The following HLA-F variants were observed in gnomAD, a reference collection of about 807,000 sequenced individuals.
HLA-F encodes the protein major histocompatibility complex, class I, F, also known as HLA class I histocompatibility antigen, alpha chain F.
HLA-F carries 46 observed loss-of-function variants against 49.5 expected under a neutral mutation model. The observed-to-expected ratio is 0.93, with a 90% CI of 0.73 to 1.19. The LOEUF is 1.19. HLA-F is among the 50% of genes most tolerant of loss of function. The probability of loss-of-function intolerance (pLI) is 0.00; values close to 1 mark genes in which losing one functional copy is unlikely to be tolerated. For missense variants in HLA-F, 496 were observed against 579.6 expected (o/e 0.86, Z 1.48); for synonymous variants, 203 against 233.5 (o/e 0.87, Z 1.19).
chr6:29,728,208 C>T (rs1776291194), downstream of HLA-F: 1 of 395,222 alleles, frequency 2.5e-6, no homozygotes, highest in South Asian at 1.9e-5. Context: ...GTAAGGAGGC[C>T]TGCCAGGACT....
chr6:29,723,994 C>A (rs759253001), intron 2 of HLA-F, 67 bp downstream of exon 2: 2 of 1,556,528 alleles, frequency 1.3e-6, no homozygotes, highest in Non-Finnish European at 1.7e-6. Context: ...GCCCGGGTCC[C>A]TCAGAGTCTC....
Position 29,727,050 on chromosome 6 carries a change from T to C in HLA-F, c.1204T>C (p.Phe402Leu). Reference sequence around the variant, plus strand: ...GTTTTTTTTGTGGCTGTGGACATCTTTCAACACTGCCTTCTTGGCCTTGCA... The same window carrying C: ...GTTTTTTTTGTGGCTGTGGACATCTCTCAACACTGCCTTCTTGGCCTTGCA... ...ILFFLWLWTSFNTAFLALQSL... is the reference protein window; with the variant it reads ...ILFFLWLWTSLNTAFLALQSL... The change falls in exon 7 of 7, where the codon TTC (phenylalanine) becomes CTC (leucine). Residue 402 changes from phenylalanine (F) to leucine (L), a missense_variant. Transcript: ENST00000259951. The C allele has an allele frequency of 6.2e-7, 1 of 1,613,296 alleles. No homozygotes were observed.
At chr6:29,727,988 C>G, downstream of HLA-F, 1 of 519,028 alleles carries the variant, frequency 1.9e-6, no homozygotes, top group Non-Finnish European at 3.8e-6. Flanking sequence ...ACCTCTCAAA[C>G]AAGTATTCTC....
chr6:29,726,816 T>C, intron 6 of HLA-F, 67 bp from the exon 7 acceptor site: 2 of 1,535,202 alleles, frequency 1.3e-6, no homozygotes, highest in Non-Finnish European at 8.9e-7. Flanking sequence ...CTGTTTGATC[T>C]GGTGCTTGTT....
intron 3 of HLA-F, among the ~76,000 whole-genome samples, chr6:29,732,871 C>T (rs1467341134): frequency 6.6e-6 from 1 of 151,112 alleles, no homozygotes; most frequent in Non-Finnish European, 1.5e-5. Context: ...AATAAAGATA[C>T]CTATAAAAAT....
At chr6:29,736,390 A>G in intron 3 of HLA-F, 1 of 453,618 alleles carries the variant, frequency 2.2e-6, no homozygotes, top group Non-Finnish European at 4.4e-6. Flanking sequence ...ATTTTTAATA[A>G]TTGGACTAAT....
chr6:29,724,840 T>C (rs1016709813), intron 3 of HLA-F, among the ~76,000 whole-genome samples, 191 bp from the exon 4 acceptor site: 4 of 152,118 alleles, frequency 2.6e-5, no homozygotes. Flanking sequence ...AAGTCCCTGC[T>C]CCCCCCTCAG....
downstream of HLA-F, among the ~76,000 whole-genome samples, chr6:29,730,310 A>G (rs1305186825): frequency 6.6e-6 from 1 of 152,216 alleles, no homozygotes; most frequent in African/African-American, 2.4e-5. Flanking sequence ...GACAAATATA[A>G]TATTTCACTT....
intron 6 of HLA-F, chr6:29,726,263 G>GTGT: frequency 1.0e-6 from 1 of 989,276 alleles, no homozygotes. Flanking sequence ...TGTGAGTGGG[G>GTGT]TGTTGGGGGG....
At position 29,723,535 on chromosome 6, in the gene HLA-F, CG is replaced by C; in HGVS notation, c.64+12del. ...TGACCGATACTTGGGCGGGTGAGTG[CG>C]GGGTCCAGAGAGAAACGGCCTCTGT... On this transcript the variant is annotated intron_variant, in intron 1 of 6. Transcript: ENST00000259951. 1.2e-6 allele frequency: 2 copies of C among 1,610,620 alleles called. No homozygotes were observed. Among genetic ancestry groups the C allele is most frequent in the Non-Finnish European group, 1.7e-6 (2 of 1,179,180 alleles).
Position 29,723,760 on chromosome 6 carries a change from G to A in HLA-F, c.167G>A (p.Arg56Gln), listed in dbSNP as rs1190090553. Reference sequence around the variant, plus strand: ...TACGTAGACGACACGCAATTCCTGCGGTTCGACAGCGACGCCGCGATTCCG... The same window carrying A: ...TACGTAGACGACACGCAATTCCTGCAGTTCGACAGCGACGCCGCGATTCCG... ...VEYVDDTQFLRFDSDAAIPRM... is the reference protein window; with the variant it reads ...VEYVDDTQFLQFDSDAAIPRM... The change falls in exon 2 of 7, where the codon CGG becomes CAG. Residue 56 changes from arginine (R) to glutamine (Q), a missense_variant. By Grantham distance (43) the Arg-to-Gln change is conservative. Coordinates refer to ENST00000259951, the MANE Select transcript of HLA-F (RefSeq NM_001098479.2). 1 of 1,611,742 alleles carries A rather than the reference G, an allele frequency of 6.2e-7. No homozygotes were observed. Among genetic ancestry groups the A allele is most frequent in the East Asian group, 2.2e-5 (1 of 44,852 alleles).
chr6:29,723,567 G>T (rs766604838), intron 1 of HLA-F, 40 bp downstream of exon 1: 22 of 1,601,162 alleles, frequency 1.4e-5, no homozygotes, highest in East Asian at 4.5e-5. Flanking sequence ...TCTGTGGGGA[G>T]GAGTGAGGGG....
At chr6:29,725,354 C>T (rs1432295803) in intron 4 of HLA-F, 48 bp downstream of exon 4, 1 of 1,612,530 alleles carries the variant, frequency 6.2e-7, no homozygotes, top group South Asian at 1.1e-5. Flanking sequence ...CATGTCTTTT[C>T]TCAGGGAAAG....
In HLA-F at chr6:29,724,220, G is replaced by C. The variant is rs754132837; in HGVS notation, c.382G>C (p.Gly128Arg). The change falls in exon 3 of 7, where the codon GGA becomes CGA. Residue 128 changes from glycine to arginine, a missense_variant. Physicochemically the swap from Gly to Arg is moderately radical, Grantham distance 125 (BLOSUM62 -2). Transcript: ENST00000259951. ...GMNGCDMGPD[G>R]RLLRGYHQHA... Reference sequence around the variant, plus strand: ...GAATGGCTGCGACATGGGGCCCGACGGACGCCTCCTCCGCGGGTATCACCA... The same window carrying C: ...GAATGGCTGCGACATGGGGCCCGACCGACGCCTCCTCCGCGGGTATCACCA... 2.5e-6 allele frequency: 4 copies of C among 1,613,046 alleles called. No individual in the cohort carries two copies. The highest frequency in any genetic ancestry group is 3.4e-6 in the Non-Finnish European group (4 of 1,180,030).
chr6:29,727,254 C>A lies in HLA-F; in HGVS notation c.*79C>A. On this transcript the variant is annotated 3_prime_UTR_variant, in exon 7 of 7. Coordinates refer to ENST00000259951, the MANE Select transcript of HLA-F (RefSeq NM_001098479.2). Reference sequence around the variant, plus strand: ...TCACACACCTCCTAAGAATAAGAACCAACATTATCACACCAAAGAAAATAA... The same window carrying A: ...TCACACACCTCCTAAGAATAAGAACAAACATTATCACACCAAAGAAAATAA... 1.2e-6 allele frequency: 1 copy of A among 838,486 alleles called. No individual in the cohort carries two copies. The highest frequency in any genetic ancestry group is 1.9e-5 in the South Asian group (1 of 53,450). The allele number at this position is 838,486 out of a possible 1,614,324, so 51.9% of individuals were successfully genotyped here.
At chr6:29,732,233 T>C (rs1349771111), downstream of HLA-F, among the ~76,000 whole-genome samples, 1 of 152,146 alleles carries the variant, frequency 6.6e-6, no homozygotes, top group East Asian at 1.9e-4. Flanking sequence ...CCTTCCAATG[T>C]GTTGAGATTA....
At position 29,723,898 on chromosome 6, in the gene HLA-F, T is replaced by C; in HGVS notation, c.305T>C (p.Leu102Pro). The change falls in exon 2 of 7, where the codon CTG becomes CCG. Residue 102 changes from leucine (L) to proline (P), a missense_variant. Coordinates refer to ENST00000259951, the MANE Select transcript of HLA-F (RefSeq NM_001098479.2). The stretch of plus-strand genomic sequence containing the variant: ...ACTGACCGAGTGGCCCTGAGGAACC[T>C]GCTCCGCCGCTACAACCAGAGCGAG... ...AQTDRVALRN[L>P]LRRYNQSEAG... 2 of 1,588,014 alleles carry C rather than the reference T, an allele frequency of 1.3e-6. No individual in the cohort carries two copies. Among genetic ancestry groups the C allele is most frequent in the Non-Finnish European group, 1.7e-6 (2 of 1,167,144 alleles).
At position 29,724,214 on chromosome 6, in the gene HLA-F, C is replaced by T; in HGVS notation, c.376C>T (p.Pro126Ser). 3 of 1,613,158 alleles carry T rather than the reference C, an allele frequency of 1.9e-6. No homozygotes were observed. Among genetic ancestry groups the T allele is most frequent in the Non-Finnish European group, 2.5e-6 (3 of 1,180,034 alleles). ...LQGMNGCDMG[P>S]DGRLLRGYHQ... ...GGGAATGAATGGCTGCGACATGGGGCCCGACGGACGCCTCCTCCGCGGGTA... is the reference window on the plus strand; with the variant it reads ...GGGAATGAATGGCTGCGACATGGGGTCCGACGGACGCCTCCTCCGCGGGTA... Residue 126 changes from proline to serine, a missense_variant, in exon 3 of 7, where the codon CCC becomes TCC. By Grantham distance (74) the Pro-to-Ser change is moderately conservative (BLOSUM62 -1). Coordinates refer to ENST00000259951, the MANE Select transcript of HLA-F (RefSeq NM_001098479.2).
At chr6:29,729,757 G>T (rs778468674), downstream of HLA-F, among the ~76,000 whole-genome samples, 1 of 152,140 alleles carries the variant, frequency 6.6e-6, no homozygotes, top group Non-Finnish European at 1.5e-5. Context: ...ACCTGATAAA[G>T]AATTAATATC....
Sources: allele counts gnomAD v4.1 joint callset (sites outside exome capture counted in the v4.1 genomes callset), GRCh38; gene constraint gnomAD v4.1.1; transcripts MANE v1.5; gene names NCBI Gene and HGNC (gene_info 2026-07-23, HGNC 2026-07-21).